Variants in DNAJC13 observed in about 807,000 individuals in gnomAD.
DNAJC13 encodes DnaJ heat shock protein family (Hsp40) member C13.
A neutral mutation model predicts 290.5 loss-of-function variants in DNAJC13; 75 were observed. The observed-to-expected ratio is 0.26, with a 90% CI of 0.21 to 0.31. DNAJC13 has a LOEUF of 0.31. Ranked by LOEUF, DNAJC13 falls within the 10% of genes least tolerant of loss-of-function variation. The probability of loss-of-function intolerance (pLI) is 1.00; values close to 1 mark genes in which losing one functional copy is unlikely to be tolerated. For missense variants in DNAJC13, 2,260 were observed against 2,674.5 expected, an observed-to-expected ratio of 0.85 and a Z score of 3.42; for synonymous variants, 862 against 892.0, an observed-to-expected ratio of 0.97 and a Z score of 0.60.
At chr3:132,420,762 C>G (rs1938931439) in intron 1 of DNAJC13, among the ~76,000 whole-genome samples, 1 of 152,100 alleles carries the variant, frequency 6.6e-6, no homozygotes, top group Non-Finnish European at 1.5e-5. Context: ...AAAAACAAAT[C>G]ATAAACTAAG....
chr3:132,473,114 T>C (rs1313810879), intron 20 of DNAJC13, 31 bp from the exon 21 acceptor site: 3 of 1,482,670 alleles, frequency 2.0e-6, no homozygotes, highest in Non-Finnish European at 2.8e-6. Context: ...TAGCCCCAGA[T>C]TGAGCACTAT....
rs1284754545 is a variant in DNAJC13, at chr3:132,525,881, C to G, written c.6240+92C>G. 3 of 1,402,536 alleles carry G rather than the reference C, an allele frequency of 2.1e-6. No homozygotes were observed. In the African/African-American group the frequency reaches 4.3e-5, roughly 20 times the overall value. 86.9% of individuals were successfully genotyped at this position (1,402,536 alleles called of 1,614,324 possible). ...ATAAGTTGTAGTATTATATAAATCC[C>G]CTTTCTGCCATGTGTCTTTTTGCAT... On this transcript the variant is annotated intron_variant, in intron 52 of 55. Coordinates refer to ENST00000260818, the MANE Select transcript of DNAJC13 (RefSeq NM_015268.4).
intron 1 of DNAJC13, among the ~76,000 whole-genome samples, chr3:132,428,825 C>T (rs1286931019): frequency 6.6e-6 from 1 of 152,206 alleles, no homozygotes; most frequent in African/African-American, 2.4e-5. Flanking sequence ...ACCTCTGCCT[C>T]CTGGATTCAA....
chr3:132,514,852 C>G (rs570286138), intron 46 of DNAJC13, 182 bp downstream of exon 46: 2 of 524,416 alleles, frequency 3.8e-6, no homozygotes, highest in African/African-American at 2.0e-5. Flanking sequence ...TTTCCTATGT[C>G]AAAAGTTGAA....
At chr3:132,512,975 C>A (rs368444566) in intron 44 of DNAJC13, 33 bp from the exon 45 acceptor site, 141 of 1,560,078 alleles carry the variant, frequency 9.0e-5, no homozygotes, top group African/African-American at 9.5e-5. Flanking sequence ...CAAACATCTC[C>A]TGGAAGTAAA....
intron 43 of DNAJC13, among the ~76,000 whole-genome samples, chr3:132,509,344 G>A (rs1410589393): frequency 6.6e-6 from 1 of 152,198 alleles, no homozygotes; most frequent in Non-Finnish European, 1.5e-5. Context: ...ATTAGAAGTA[G>A]ATCCTGAATA....
intron 9 of DNAJC13, among the ~76,000 whole-genome samples, chr3:132,454,803 A>G (rs932337050): frequency 5.9e-5 from 9 of 152,172 alleles, no homozygotes; most frequent in African/African-American, 2.2e-4. Context: ...TTAAAAAAAA[A>G]AAGTATGGAT....
intron 1 of DNAJC13, among the ~76,000 whole-genome samples, chr3:132,426,487 A>T (rs1939094207): frequency 6.6e-6 from 1 of 152,216 alleles, no homozygotes; most frequent in Admixed American, 6.5e-5. Context: ...CAGAATGGCA[A>T]ATGCTAGTGA....
At chr3:132,487,563 T>TTTTTTTTTTTTTTTTTTTTC (rs1343597881) in intron 29 of DNAJC13, among the ~76,000 whole-genome samples, 1 of 148,266 alleles carries the variant, frequency 6.7e-6, no homozygotes, top group African/African-American at 2.6e-5. Flanking sequence ...GCTGTAATTT[T>TTTTTTTTTTTTTTTTTTTTC]TTTTTTTTTT....
intron 18 of DNAJC13, 92 bp downstream of exon 18, chr3:132,466,162 TA>T: frequency 7.1e-7 from 1 of 1,412,248 alleles, no homozygotes; most frequent in Non-Finnish European, 9.9e-7. Flanking sequence ...GTTTGTTTTT[TA>T]TTGAAAAGTT....
intron 1 of DNAJC13, among the ~76,000 whole-genome samples, chr3:132,422,050 T>C (rs996325609): frequency 6.6e-6 from 1 of 151,082 alleles, no homozygotes; most frequent in African/African-American, 2.4e-5. Context: ...TTTTTTTCTT[T>C]TTTCAGACCT....
rs1370231197 is a variant in DNAJC13 at position 132,538,481 on chromosome 3, C to T, written c.*199C>T. On this transcript the variant is annotated 3_prime_UTR_variant, in exon 56 of 56. Coordinates refer to ENST00000260818, the MANE Select transcript of DNAJC13 (RefSeq NM_015268.4). ...TATAAGAAAGCACTCTGTGGATCAA[C>T]ATAAGTGGGTACACAAGAATTTTTT... 1 of 448,070 alleles carries T rather than the reference C, an allele frequency of 2.2e-6. No individual in the cohort carries two copies. Among genetic ancestry groups the T allele is most frequent in the African/African-American group, 2.0e-5 (1 of 49,352 alleles). The allele number at this position is 448,070 out of a possible 1,614,324, so 27.8% of individuals were successfully genotyped here.
Position 132,450,783 on chromosome 3 carries a change from G to T in DNAJC13, c.473G>T (p.Gly158Val), listed in dbSNP as rs761733112. 6.2e-7 allele frequency: 1 copy of T among 1,608,104 alleles called. No individual in the cohort carries two copies. The highest frequency in any genetic ancestry group is 1.3e-5 in the African/African-American group (1 of 74,652). The change falls in exon 6 of 56, where the codon GGA becomes GTA. Residue 158 changes from glycine (G) to valine (V), a missense_variant. Physicochemically the swap from Gly to Val is moderately radical, Grantham distance 109 (BLOSUM62 -3). This residue lies in a region of DNAJC13 where 762 missense variants were observed against 964.1 expected (regional missense o/e 0.79). Transcript: ENST00000260818. ...TCCTATGACTATAGAAATATTGAAG[G>T]ATTTGTAGATCTCTCAGATTATCAA... ...LCSYDYRNIEGFVDLSDYQGG... is the reference protein window; with the variant it reads ...LCSYDYRNIEVFVDLSDYQGG...
At chr3:132,444,335 C>CT (rs1235793384) in intron 2 of DNAJC13, among the ~76,000 whole-genome samples, 1 of 152,170 alleles carries the variant, frequency 6.6e-6, no homozygotes, top group African/African-American at 2.4e-5. Flanking sequence ...GTCAGAAAGT[C>CT]TTTCTTATTG....
At chr3:132,496,088 C>T (rs942190366) in intron 35 of DNAJC13, among the ~76,000 whole-genome samples, 5 of 152,028 alleles carry the variant, frequency 3.3e-5, no homozygotes, top group African/African-American at 1.2e-4. Flanking sequence ...GTGTCCTTAA[C>T]CAGGTTACTA....
chr3:132,440,564 A>T (rs1028385253), intron 2 of DNAJC13, among the ~76,000 whole-genome samples: 1 of 152,246 alleles, frequency 6.6e-6, no homozygotes, highest in African/African-American at 2.4e-5. Context: ...GATATTTACC[A>T]TTGTGTTACA....
At chr3:132,446,424 A>C in intron 2 of DNAJC13, 51 bp from the exon 3 acceptor site, 1 of 1,302,614 alleles carries the variant, frequency 7.7e-7, no homozygotes, top group Non-Finnish European at 1.1e-6. Flanking sequence ...ATTTTCTTAT[A>C]AAATATCTTT....
intron 38 of DNAJC13, among the ~76,000 whole-genome samples, 163 bp from the exon 39 acceptor site, chr3:132,500,631 G>A (rs1382373449): frequency 6.6e-6 from 1 of 152,208 alleles, no homozygotes; most frequent in Non-Finnish European, 1.5e-5. Flanking sequence ...AAATCTTAAT[G>A]AGAAAGACTA....
At chr3:132,495,509 A>C (rs967374671) in intron 35 of DNAJC13, among the ~76,000 whole-genome samples, 9 of 152,188 alleles carry the variant, frequency 5.9e-5, no homozygotes, top group African/African-American at 1.9e-4. Context: ...TACCATTGCT[A>C]TTCAGATTGC....
Sources: allele counts gnomAD v4.1 joint callset (sites outside exome capture counted in the v4.1 genomes callset), GRCh38; gene constraint gnomAD v4.1.1; regional missense constraint gnomAD v4.1.1; transcripts MANE v1.5; gene names NCBI Gene and HGNC (gene_info 2026-07-23, HGNC 2026-07-21).